The following PTPRM variants were observed in gnomAD, a reference collection of about 807,000 sequenced individuals.
PTPRM encodes protein tyrosine phosphatase receptor type M.
Under a neutral mutation model 186.7 loss-of-function variants are expected in PTPRM, and 47 were observed. The observed-to-expected ratio is 0.25, with a 90% CI of 0.20 to 0.32. The LOEUF (loss-of-function observed/expected upper bound fraction) is 0.32. Ranked by LOEUF, PTPRM falls within the 10% of genes least tolerant of loss-of-function variation. PTPRM has a pLI of 1.00. For missense variants in PTPRM, 1,494 were observed against 1,865.0 expected (o/e 0.80, Z 3.66); for synonymous variants, 668 against 674.9 (o/e 0.99, Z 0.16).
At chr18:7,808,479 T>C (rs2044347690) in intron 2 of PTPRM, among the ~76,000 whole-genome samples, 1 of 152,224 alleles carries the variant, frequency 6.6e-6, no homozygotes, top group African/African-American at 2.4e-5. Flanking sequence ...CCTCACTGCA[T>C]GTGGAAAACA....
chr18:7,967,926 C>T (rs1180529754), intron 7 of PTPRM, among the ~76,000 whole-genome samples: 2 of 98,900 alleles, frequency 2.0e-5, no homozygotes, highest in African/African-American at 5.5e-5. Flanking sequence ...GCAAGGCAGG[C>T]CAACGTTCAG....
chr18:8,329,945 T>A (rs1351796280), intron 22 of PTPRM, among the ~76,000 whole-genome samples: 2 of 152,066 alleles, frequency 1.3e-5, no homozygotes, highest in Admixed American at 6.6e-5. Flanking sequence ...ACTACAGGGA[T>A]AAGCAACCAC....
In PTPRM at chr18:8,345,815, C is replaced by G. The variant is rs137902108; in HGVS notation, c.3054+2295C>G. On this transcript the variant is annotated intron_variant, in intron 23 of 32. Transcript: ENST00000580170. ...ACAGTAAAAGGTAAAATTATAGGTG[C>G]CACACATAGATAGGAAGAGATGAAT... 8.9e-3 allele frequency among the ~76,000 whole-genome samples: 1,353 copies of G among 151,986 alleles called. 6 individuals carry two copies. Among genetic ancestry groups the G allele is most frequent in the African/African-American group, 0.014 (594 of 41,450 alleles).
rs570033182 is a variant in PTPRM at position 8,179,991 on chromosome 18, T to G, written c.2300+36212T>G. Among the ~76,000 whole-genome samples, 35 of 152,222 alleles carry G rather than the reference T, an allele frequency of 2.3e-4. 1 individual carries two copies. The South Asian group carries it at 7.1e-3, about 31-fold the overall frequency. ...GTGAGTCCTGTGTAGGGAAAGCAAA[T>G]GTGGAGGTTATCTACGTACTGTGAC... On this transcript the variant is annotated intron_variant, in intron 14 of 32. Transcript: ENST00000580170.
At chr18:7,998,655 A>G (rs11081351) in intron 7 of PTPRM, among the ~76,000 whole-genome samples, 1 of 151,540 alleles carries the variant, frequency 6.6e-6, no homozygotes, top group Non-Finnish European at 1.5e-5. Flanking sequence ...TTTATACAAC[A>G]TTTTTTTTTA....
intron 22 of PTPRM, among the ~76,000 whole-genome samples, chr18:8,329,954 A>G (rs2095402834): frequency 6.6e-6 from 1 of 151,954 alleles, no homozygotes; most frequent in Admixed American, 6.6e-5. Flanking sequence ...ATAAGCAACC[A>G]CACCTGGCTA....
chr18:7,644,606 A>G lies in PTPRM; in HGVS notation c.73+76715A>G, dbSNP rs149075458. On this transcript the variant is annotated intron_variant, in intron 1 of 32. Coordinates refer to ENST00000580170, the MANE Select transcript of PTPRM (RefSeq NM_001105244.2). ...AGGGGAATAGAAAGAGAGTTATTCC[A>G]TAAAAACTCAGATGAGTCCCTTGGA... 8.5e-4 allele frequency among the ~76,000 whole-genome samples: 130 copies of G among 152,292 alleles called. 1 individual carries two copies. The highest frequency in any genetic ancestry group is 3.4e-3 in the Middle Eastern group (1 of 294).
intron 1 of PTPRM, among the ~76,000 whole-genome samples, chr18:7,650,421 G>A (rs1019977829): frequency 7.0e-6 from 1 of 143,284 alleles, no homozygotes; most frequent in Non-Finnish European, 1.5e-5. Context: ...TATCCCTCTT[G>A]GAAACAATAT....
At chr18:8,075,879 C>G (rs530937275) in intron 8 of PTPRM, among the ~76,000 whole-genome samples, 1 of 152,224 alleles carries the variant, frequency 6.6e-6, no homozygotes, top group Admixed American at 6.5e-5. Context: ...TGATATATAA[C>G]TGTTACTTAC....
chr18:8,180,733 C>T (rs2093561104), intron 14 of PTPRM, among the ~76,000 whole-genome samples: 1 of 152,182 alleles, frequency 6.6e-6, no homozygotes, highest in African/African-American at 2.4e-5. Flanking sequence ...TAAACTCCAC[C>T]ATTTTGCCTC....
chr18:8,156,577 C>T (rs1390818202), intron 14 of PTPRM, among the ~76,000 whole-genome samples: 1 of 152,158 alleles, frequency 6.6e-6, no homozygotes, highest in Admixed American at 6.5e-5. Context: ...TCCCAGGGCA[C>T]GTAGGTAGTC....
intron 1 of PTPRM, among the ~76,000 whole-genome samples, chr18:7,773,888 C>T (rs1010804475): frequency 1.1e-4 from 17 of 152,106 alleles, no homozygotes; most frequent in African/African-American, 3.9e-4. Flanking sequence ...CCAGATCTTA[C>T]CTTCAGCTGG....
intron 4 of PTPRM, among the ~76,000 whole-genome samples, chr18:7,919,065 T>A (rs1290147830): frequency 3.9e-5 from 6 of 152,168 alleles, no homozygotes; most frequent in Admixed American, 3.9e-4. Context: ...TTCTTCGTTG[T>A]ATACTCTTAG....
chr18:7,713,978 G>A (rs947955987), intron 1 of PTPRM, among the ~76,000 whole-genome samples: 1 of 151,958 alleles, frequency 6.6e-6, no homozygotes, highest in African/African-American at 2.4e-5. Flanking sequence ...TGGAAAATTA[G>A]CAAGGATATT....
intron 8 of PTPRM, among the ~76,000 whole-genome samples, chr18:8,072,713 G>A (rs976011368): frequency 1.3e-5 from 2 of 151,948 alleles, no homozygotes; most frequent in African/African-American, 4.8e-5. Context: ...ATCAGAAATT[G>A]TGTGGGAAAA....
chr18:8,249,474 G>T (rs1052531752), intron 17 of PTPRM, among the ~76,000 whole-genome samples: 1 of 152,072 alleles, frequency 6.6e-6, no homozygotes, highest in African/African-American at 2.4e-5. Flanking sequence ...ATAAGTGAGG[G>T]GCACAGGCTA....
intron 2 of PTPRM, among the ~76,000 whole-genome samples, chr18:7,862,504 C>T (rs962198362): frequency 6.6e-6 from 1 of 152,158 alleles, no homozygotes; most frequent in Non-Finnish European, 1.5e-5. Flanking sequence ...ATTGACGTTT[C>T]TGGACCCTTT....
intron 11 of PTPRM, among the ~76,000 whole-genome samples, chr18:8,092,999 AT>A (rs1281897517): frequency 1.3e-5 from 2 of 151,920 alleles, no homozygotes; most frequent in East Asian, 1.9e-4. Flanking sequence ...TACCAAAAAA[AT>A]TTTTTTTAAG....
At chr18:7,691,038 G>A (rs968147374) in intron 1 of PTPRM, among the ~76,000 whole-genome samples, 1 of 152,064 alleles carries the variant, frequency 6.6e-6, no homozygotes, top group Non-Finnish European at 1.5e-5. Flanking sequence ...CACTATGGAG[G>A]TGAGGGTATT....
Sources: gnomAD v4.1 joint callset for allele counts (sites outside exome capture counted in the v4.1 genomes callset) on GRCh38, gnomAD v4.1.1 for gene constraint, MANE v1.5 for transcripts, NCBI Gene and HGNC (gene_info 2026-07-23, HGNC 2026-07-21) for gene names.